Variants in SGIP1 observed in about 807,000 individuals in gnomAD.
The protein encoded by SGIP1 is SH3GL interacting endocytic adaptor 1.
SGIP1 carries 38 observed loss-of-function variants against 107.5 expected under a neutral mutation model. The ratio of observed to expected loss-of-function variants is 0.35; its 90% confidence interval spans 0.27 to 0.46. The LOEUF (loss-of-function observed/expected upper bound fraction) is 0.46, where lower values mean the gene tolerates loss of function less well. Ranked by LOEUF, SGIP1 falls within the 20% of genes least tolerant of loss-of-function variation. The pLI is 1.00. For missense variants in SGIP1, 929 were observed against 1,019.5 expected (o/e 0.91, Z 1.21); for synonymous variants, 365 against 366.1 (o/e 1.00, Z 0.03).
intron 12 of SGIP1, among the ~76,000 whole-genome samples, chr1:66,674,992 AT>A (rs2084848733): frequency 6.6e-6 from 1 of 152,212 alleles, no homozygotes; most frequent in Non-Finnish European, 1.5e-5. Context: ...CTCCTTAATG[AT>A]TTTAATGTCC....
chr1:66,717,486 G>C (rs970876161), intron 18 of SGIP1, among the ~76,000 whole-genome samples: 3 of 152,088 alleles, frequency 2.0e-5, no homozygotes, highest in African/African-American at 7.2e-5. Flanking sequence ...GTACTGTCAA[G>C]GTCTCATTAC....
chr1:66,659,434 G>A (rs1032522246), intron 7 of SGIP1, among the ~76,000 whole-genome samples: 5 of 152,190 alleles, frequency 3.3e-5, no homozygotes, highest in African/African-American at 1.2e-4. Flanking sequence ...ATGGTGACTT[G>A]GGAGATGATA....
rs147870307 is a variant in SGIP1, at chr1:66,663,180, T to C, written c.471+2656T>C. 9.5e-4 allele frequency among the ~76,000 whole-genome samples: 145 copies of C among 152,218 alleles called. 1 individual carries two copies. Among genetic ancestry groups the C allele is most frequent in the Admixed American group, 4.9e-3 (75 of 15,284 alleles). The stretch of plus-strand genomic sequence containing the variant: ...CTGAACAGTGGCAAGTTTTCCAGAA[T>C]CTCACAATGTGTATGTGCCTGACTC... On this transcript the variant is annotated intron_variant, in intron 8 of 24. Transcript: ENST00000371037.
intron 1 of SGIP1, among the ~76,000 whole-genome samples, chr1:66,550,283 T>C (rs1290416346): frequency 6.6e-6 from 1 of 152,154 alleles, no homozygotes; most frequent in Non-Finnish European, 1.5e-5. Context: ...TGGCGAACTC[T>C]TGATTTTCCT....
intron 18 of SGIP1, among the ~76,000 whole-genome samples, chr1:66,702,775 C>A (rs2092081231): frequency 2.0e-5 from 3 of 152,144 alleles, no homozygotes; most frequent in Admixed American, 1.3e-4. Flanking sequence ...CTGAATATGT[C>A]TGTCATACAA....
intron 2 of SGIP1, among the ~76,000 whole-genome samples, chr1:66,627,797 G>A (rs991153567): frequency 1.3e-5 from 2 of 152,164 alleles, no homozygotes; most frequent in Non-Finnish European, 2.9e-5. Flanking sequence ...TGTGCACAAC[G>A]TGCAGGTTTG....
At position 66,741,363 on chromosome 1, in the gene SGIP1, C is replaced by A; in HGVS notation, c.2391C>A (p.Thr797=). The change falls in exon 24 of 25, where the codon ACC becomes ACA. Residue 797 remains threonine, a synonymous_variant. Coordinates refer to ENST00000371037, the MANE Select transcript of SGIP1 (RefSeq NM_032291.4). ...TGCAGTTCACAAGTGAAGGAAGCAC[C>A]CTTTCTGGCTGTGACATTGAACTTG... The part of the protein sequence containing the change: ...LVVQFTSEGS[T]LSGCDIELVG... The A allele has an allele frequency of 6.2e-7, 1 of 1,611,412 alleles. No individual in the cohort carries two copies. The highest frequency in any genetic ancestry group is 1.7e-5 in the Admixed American group (1 of 59,782).
At chr1:66,548,547 T>C (rs1242324023) in intron 1 of SGIP1, among the ~76,000 whole-genome samples, 1 of 152,184 alleles carries the variant, frequency 6.6e-6, no homozygotes, top group Non-Finnish European at 1.5e-5. Flanking sequence ...ACTTTTTTTA[T>C]GTACTTATTT....
rs2092935556 is a variant in SGIP1, at chr1:66,711,756, A to G, written c.1631-7538A>G. On this transcript the variant is annotated intron_variant, in intron 18 of 24. Coordinates refer to ENST00000371037, the MANE Select transcript of SGIP1 (RefSeq NM_032291.4). ...CCTGCAAAATGGGGACAGTCTTTAA[A>G]CAAATCAGACCACTCTCTCCTGCTG... Among the ~76,000 whole-genome samples the G allele has an allele frequency of 2.0e-5, 3 of 152,262 alleles. No individual in the cohort carries two copies. The South Asian group carries it at 6.2e-4, about 32-fold the overall frequency.
At chr1:66,601,992 T>A (rs2065929537) in intron 1 of SGIP1, among the ~76,000 whole-genome samples, 1 of 152,234 alleles carries the variant, frequency 6.6e-6, no homozygotes, top group South Asian at 2.1e-4. Flanking sequence ...ACCTTTCTGA[T>A]GCAATGTCCC....
intron 9 of SGIP1, among the ~76,000 whole-genome samples, chr1:66,670,165 G>C (rs1480692681): frequency 6.6e-6 from 1 of 152,110 alleles, no homozygotes; most frequent in Non-Finnish European, 1.5e-5. Context: ...CAACCATCCT[G>C]GTGGTCTAGT....
At chr1:66,654,735 T>C (rs2079411047) in intron 7 of SGIP1, among the ~76,000 whole-genome samples, 1 of 152,214 alleles carries the variant, frequency 6.6e-6, no homozygotes, top group Admixed American at 6.5e-5. Context: ...ATGAAGGTGA[T>C]ATTTCCTTCT....
chr1:66,697,736 T>A (rs1422556935), intron 18 of SGIP1, among the ~76,000 whole-genome samples: 1 of 152,188 alleles, frequency 6.6e-6, no homozygotes, highest in East Asian at 1.9e-4. Flanking sequence ...CTAGAAGAAT[T>A]TTTTTAATTT....
intron 17 of SGIP1, among the ~76,000 whole-genome samples, chr1:66,691,391 G>A (rs2089829846): frequency 6.6e-6 from 1 of 152,074 alleles, no homozygotes; most frequent in African/African-American, 2.4e-5. Flanking sequence ...GCCCCCAAAG[G>A]GAATTTCAAC....
intron 1 of SGIP1, among the ~76,000 whole-genome samples, chr1:66,601,313 C>G (rs772503215): frequency 1.3e-5 from 2 of 152,046 alleles, no homozygotes; most frequent in African/African-American, 2.4e-5. Context: ...TGCAGTGAGC[C>G]GAGATCGCGC....
At chr1:66,738,541 T>A (rs1454658231) in intron 21 of SGIP1, among the ~76,000 whole-genome samples, 1 of 152,230 alleles carries the variant, frequency 6.6e-6, no homozygotes, top group Non-Finnish European at 1.5e-5. Flanking sequence ...TGTCTTTAGA[T>A]AAATGTTTGT....
intron 18 of SGIP1, among the ~76,000 whole-genome samples, chr1:66,706,798 T>C (rs941964639): frequency 1.3e-5 from 2 of 152,110 alleles, no homozygotes; most frequent in Non-Finnish European, 2.9e-5. Flanking sequence ...CGTGTGTGCA[T>C]GTATAGTTTA....
At chr1:66,701,969 A>T (rs2091964954) in intron 18 of SGIP1, among the ~76,000 whole-genome samples, 1 of 152,250 alleles carries the variant, frequency 6.6e-6, no homozygotes, top group Non-Finnish European at 1.5e-5. Flanking sequence ...TCACCATGCA[A>T]GGAGTACCTA....
intron 17 of SGIP1, 148 bp from the exon 18 acceptor site, chr1:66,695,279 TTGCCAGC>T: frequency 9.4e-7 from 1 of 1,058,904 alleles, no homozygotes; most frequent in South Asian, 3.0e-5. Flanking sequence ...AAAGTGTAGA[TTGCCAGC>T]CTTCCCTTTT....
Sources: gnomAD v4.1 joint callset for allele counts (sites outside exome capture counted in the v4.1 genomes callset) on GRCh38, gnomAD v4.1.1 for gene constraint, MANE v1.5 for transcripts, NCBI Gene and HGNC (gene_info 2026-07-23, HGNC 2026-07-21) for gene names.